Variants in CALN1 observed in about 807,000 individuals in gnomAD.
CALN1 encodes the protein calneuron 1, also known as calcium-binding protein 8.
CALN1 carries 17 observed loss-of-function variants against 30.6 expected under a neutral mutation model. The ratio of observed to expected loss-of-function variants is 0.56; its 90% CI spans 0.38 to 0.83. The LOEUF (loss-of-function observed/expected upper bound fraction) is 0.83. Ranked by LOEUF, CALN1 falls within the 40% of genes least tolerant of loss-of-function variation. The pLI is 0.00. For missense variants in CALN1, 291 were observed against 354.9 expected (o/e 0.82, Z 1.45); for synonymous variants, 156 against 131.4 (o/e 1.19, Z -1.28).
At chr7:72,207,116 T>TA (rs1791943279) in intron 3 of CALN1, among the ~76,000 whole-genome samples, 1 of 152,204 alleles carries the variant, frequency 6.6e-6, no homozygotes, top group Non-Finnish European at 1.5e-5. Context: ...AAAATGTTGG[T>TA]AAAATCTGCA....
rs550768662 is a variant in CALN1 at position 72,039,715 on chromosome 7, G to A, written c.389-15946C>T. The stretch of plus-strand genomic sequence containing the variant: ...CATAGTTGGACAGGCTTAGAAGGAG[G>A]AGTAAGGGAAAAGGGGGCCCAGGCC... On this transcript the variant is annotated intron_variant, in intron 4 of 6. Transcript: ENST00000395275. 3.3e-5 allele frequency among the ~76,000 whole-genome samples: 5 copies of A among 152,274 alleles called. No individual in the cohort carries two copies. The South Asian group carries it at 1.0e-3, about 32-fold the overall frequency.
chr7:72,196,396 G>A (rs565905236), intron 3 of CALN1, among the ~76,000 whole-genome samples: 1 of 152,290 alleles, frequency 6.6e-6, no homozygotes, highest in East Asian at 1.9e-4. Context: ...TAGAATTACA[G>A]GCATGAGCCA....
chr7:72,168,724 TCTGCCAGTTTCATGGCAG>T (rs1788710750), intron 3 of CALN1, among the ~76,000 whole-genome samples: 1 of 152,108 alleles, frequency 6.6e-6, no homozygotes, highest in South Asian at 2.1e-4. Context: ...CTACCCTTCC[TCTGCCAGTTTCATGGCAG>T]TAAGTTTTGT....
chr7:71,988,482 C>T (rs1480253977), intron 5 of CALN1, among the ~76,000 whole-genome samples: 1 of 152,174 alleles, frequency 6.6e-6, no homozygotes, highest in African/African-American at 2.4e-5. Context: ...ACTCAGAGAG[C>T]ATACTTGTTG....
chr7:72,429,944 C>T (rs926744868), intron 1 of CALN1, among the ~76,000 whole-genome samples: 9 of 150,394 alleles, frequency 6.0e-5, no homozygotes, highest in Non-Finnish European at 5.9e-5. Context: ...CTCTGCCTCC[C>T]GAGTAGCTGG....
At chr7:71,821,788 CT>C (rs775510268) in intron 5 of CALN1, among the ~76,000 whole-genome samples, 625 of 95,770 alleles carry the variant, frequency 6.5e-3, no homozygotes, top group African/African-American at 0.016. Context: ...ATGTTTCTTT[CT>C]TTTTTTTTTT....
At chr7:72,117,077 C>T (rs1463060524) in intron 3 of CALN1, among the ~76,000 whole-genome samples, 1 of 151,974 alleles carries the variant, frequency 6.6e-6, no homozygotes, top group Non-Finnish European at 1.5e-5. Flanking sequence ...CTTTGGGAGG[C>T]CAAGACAGGA....
intron 5 of CALN1, among the ~76,000 whole-genome samples, chr7:71,841,771 G>A (rs1414511135): frequency 2.0e-5 from 3 of 152,092 alleles, no homozygotes; most frequent in Non-Finnish European, 4.4e-5. Flanking sequence ...AACACTGCAT[G>A]TTCTCAATTG....
At chr7:72,382,028 G>C (rs1037691769) in intron 2 of CALN1, among the ~76,000 whole-genome samples, 2 of 152,238 alleles carry the variant, frequency 1.3e-5, no homozygotes, top group East Asian at 1.9e-4. Flanking sequence ...GAGACTCACA[G>C]GTAATAGTTA....
intron 5 of CALN1, among the ~76,000 whole-genome samples, chr7:71,948,742 A>G (rs1176328621): frequency 6.9e-6 from 1 of 144,386 alleles, no homozygotes; most frequent in Non-Finnish European, 1.5e-5. Context: ...AAAAAAAAAA[A>G]AATAATAATT....
At chr7:72,308,804 G>A (rs1218213444) in intron 2 of CALN1, among the ~76,000 whole-genome samples, 1 of 152,118 alleles carries the variant, frequency 6.6e-6, no homozygotes. Context: ...TAAAAACTTG[G>A]GTGAAGAACT....
At chr7:72,250,651 G>A (rs1450599852) in intron 3 of CALN1, among the ~76,000 whole-genome samples, 1 of 152,044 alleles carries the variant, frequency 6.6e-6, no homozygotes, top group African/African-American at 2.4e-5. Context: ...GCAGTAATGA[G>A]TGAGTTCTTG....
chr7:71,902,170 G>A (rs1010323836), intron 5 of CALN1, among the ~76,000 whole-genome samples: 4 of 152,028 alleles, frequency 2.6e-5, no homozygotes, highest in African/African-American at 9.7e-5. Flanking sequence ...CTTGCAGTGA[G>A]CTGAGATGGA....
chr7:72,421,573 C>CTTTT lies in CALN1; in HGVS notation c.-225-9302_-225-9299dup, dbSNP rs772198450. The stretch of plus-strand genomic sequence containing the variant: ...GATGATAAGATTTCATTTTATCCTA[C>CTTTT]TTTTTTTTTTTTTTTTTTTTTTTTT... On this transcript the variant is annotated intron_variant, in intron 1 of 6. Transcript: ENST00000395276. 1.9e-4 allele frequency among the ~76,000 whole-genome samples: 11 copies of CTTTT among 58,616 alleles called. 2 individuals are homozygous for CTTTT. The highest frequency in any genetic ancestry group is 1.4e-3 in the East Asian group (2 of 1,408). 38.5% of individuals were successfully genotyped at this position (58,616 alleles called of 152,430 possible).
the CALN1 span, among the ~76,000 whole-genome samples, chr7:72,461,891 C>T: frequency 2.0e-5 from 3 of 152,036 alleles, no homozygotes; most frequent in Admixed American, 6.6e-5. Context: ...GCCTGTAATC[C>T]CAGCTACTAG....
At chr7:71,886,107 A>G (rs545707558) in intron 5 of CALN1, among the ~76,000 whole-genome samples, 1 of 152,404 alleles carries the variant, frequency 6.6e-6, no homozygotes, top group Admixed American at 6.5e-5. Flanking sequence ...CGAAGAATCC[A>G]GCACACTGTT....
chr7:72,141,411 G>T (rs1217177567), intron 3 of CALN1, among the ~76,000 whole-genome samples: 1 of 152,036 alleles, frequency 6.6e-6, no homozygotes, highest in African/African-American at 2.4e-5. Context: ...ACCAGCCCTG[G>T]CAACATGGTG....
intron 3 of CALN1, among the ~76,000 whole-genome samples, chr7:72,149,755 C>G (rs1281181595): frequency 6.6e-6 from 1 of 152,038 alleles, no homozygotes; most frequent in Non-Finnish European, 1.5e-5. Flanking sequence ...AACTCATTAC[C>G]ACAGTGATTG....
chr7:72,471,373 C>T, the CALN1 span, among the ~76,000 whole-genome samples: 1 of 152,140 alleles, frequency 6.6e-6, no homozygotes, highest in Non-Finnish European at 1.5e-5. Context: ...ATTGGTGCTG[C>T]CTGGTGAATG....
Sources: gnomAD v4.1 joint callset for allele counts (sites outside exome capture counted in the v4.1 genomes callset) on GRCh38, gnomAD v4.1.1 for gene constraint, MANE v1.5 for transcripts, NCBI Gene and HGNC (gene_info 2026-07-23, HGNC 2026-07-21) for gene names.